TAB3: variants seen among roughly 807,000 people sequenced by gnomAD.
The protein encoded by TAB3 is TGF-beta activated kinase 1 (MAP3K7) binding protein 3.
Under a neutral mutation model 48.1 loss-of-function variants are expected in TAB3, and 18 were observed. The observed-to-expected ratio is 0.37, with a 90% CI of 0.26 to 0.55. The LOEUF is 0.55. Among genes scored for constraint, TAB3 ranks in the 20% least tolerant of loss-of-function variants. TAB3 has a pLI of 0.78. For synonymous variants in TAB3, 185 were observed against 190.2 expected (o/e 0.97, Z 0.22); for missense variants, 414 against 549.8 (o/e 0.75, Z 2.47).
chrX:30,831,636 A>G, intron 10 of TAB3, 61 bp from the exon 11 acceptor site: 1 of 1,112,900 alleles, frequency 9.0e-7, no homozygotes, highest in Non-Finnish European at 1.2e-6. Flanking sequence ...TTTTCCAAGT[A>G]TAATCCAAAC....
intron 7 of TAB3, among the ~76,000 whole-genome samples, chrX:30,850,735 GAAAA>G (rs1483835914): frequency 9.7e-6 from 1 of 103,220 alleles, no homozygotes; most frequent in Non-Finnish European, 2.0e-5. Flanking sequence ...AAGAAAGAAA[GAAAA>G]AAGATACATC....
chrX:30,832,995 G>A (rs1938070501), intron 10 of TAB3, among the ~76,000 whole-genome samples: 1 of 104,940 alleles, frequency 9.5e-6, no homozygotes, highest in Non-Finnish European at 1.9e-5. Context: ...TTTTGAGACG[G>A]AGTCTTGCTC....
chrX:30,842,327 A>G (rs1938477983), intron 9 of TAB3, among the ~76,000 whole-genome samples: 1 of 111,917 alleles, frequency 8.9e-6, no homozygotes, highest in Non-Finnish European at 1.9e-5. Context: ...CTGAAAAATA[A>G]TCTTAAGTCT....
intron 4 of TAB3, among the ~76,000 whole-genome samples, chrX:30,863,652 T>C (rs987119123): frequency 6.2e-5 from 7 of 112,331 alleles, no homozygotes; most frequent in Admixed American, 9.4e-5. Flanking sequence ...TCTGCCATGA[T>C]TGTAAGCTTC....
rs1937980756 is a variant in TAB3 at position 30,830,065 on chromosome X, A to AGC, written c.*1360_*1361dup. The AGC allele has an allele frequency of 9.0e-6, 1 of 111,606 alleles. No homozygotes were observed. The highest frequency in any genetic ancestry group is 3.3e-5 in the African/African-American group (1 of 30,690). The allele number at this position is 111,606 out of a possible 1,213,427, so 9.2% of individuals were successfully genotyped here. ...TAATGAAATGTGCTATTAAGTTTCC[A>AGC]GCGATGCACCCTAGTGAGTCACATG... On this transcript the variant is annotated 3_prime_UTR_variant, in exon 11 of 11. Coordinates refer to ENST00000288422, the MANE Select transcript of TAB3 (RefSeq NM_152787.5).
chrX:30,846,038 G>A (rs1165352623), intron 8 of TAB3: 2 of 1,015,610 alleles, frequency 2.0e-6, no homozygotes, highest in South Asian at 1.9e-5. Context: ...TTGGGTAAAT[G>A]AAAGTTTAAG....
Position 30,855,467 on chromosome X carries a change from C to T in TAB3, c.198G>A (p.Met66Ile). ...TAATATGTAAAAGGCGATTTCTATT[C>T]ATCCTATTGTCATCTGGACTATGGT... ...MEYHSPDDNRMNRNRLLHINL... is the reference protein window; with the variant it reads ...MEYHSPDDNRINRNRLLHINL... The change falls in exon 6 of 11, where the codon ATG becomes ATA. Residue 66 changes from methionine to isoleucine, a missense_variant. Coordinates refer to ENST00000288422, the MANE Select transcript of TAB3 (RefSeq NM_152787.5). 3.3e-6 allele frequency: 4 copies of T among 1,211,276 alleles called. No individual in the cohort carries two copies. Among genetic ancestry groups the T allele is most frequent in the Non-Finnish European group, 4.5e-6 (4 of 895,150 alleles).
Position 30,835,635 on chromosome X carries a change from T to C in TAB3, c.1889-1483A>G, listed in dbSNP as rs144632945. 6.4e-3 allele frequency: 715 copies of C among 111,739 alleles called. 30 individuals carry two copies. In the East Asian group the frequency reaches 0.16, roughly 25 times the overall value. The allele number at this position is 111,739 out of a possible 1,213,427, so 9.2% of individuals were successfully genotyped here. ...ACACATACACACTGTATTGTTTAACTACAAAGTCCAATCTACCACTGTTAT... is the reference window on the plus strand; with the variant it reads ...ACACATACACACTGTATTGTTTAACCACAAAGTCCAATCTACCACTGTTAT... On this transcript the variant is annotated intron_variant, in intron 9 of 10. Coordinates refer to ENST00000288422, the MANE Select transcript of TAB3 (RefSeq NM_152787.5).
chrX:30,834,121 T>C lies in TAB3; in HGVS notation c.1920A>G (p.Lys640=), dbSNP rs1458542217. The C allele has an allele frequency of 8.3e-7, 1 of 1,209,531 alleles. No homozygotes were observed. The highest frequency in any genetic ancestry group is 1.8e-5 in the African/African-American group (1 of 57,104). ...TGGAGGTCACGCTAATTCTTCGGGC[T>C]TTTCTCTCAATTGTGCAGGGGTCTG... ...DSSDPCTIER[K]ARRISVTSKV... Residue 640 remains lysine, a synonymous_variant, in exon 10 of 11, where the codon AAA becomes AAG. Coordinates refer to ENST00000288422, the MANE Select transcript of TAB3 (RefSeq NM_152787.5).
chrX:30,845,573 C>T (rs1054037995), intron 8 of TAB3: 6 of 113,568 alleles, frequency 5.3e-5, no homozygotes, highest in Non-Finnish European at 1.1e-4. Flanking sequence ...ATGGCTATCG[C>T]TCCACTAAAA....
intron 7 of TAB3, among the ~76,000 whole-genome samples, chrX:30,849,240 T>C (rs2073388594): frequency 8.9e-6 from 1 of 112,382 alleles, no homozygotes; most frequent in Non-Finnish European, 1.9e-5. Flanking sequence ...TTTAATATAA[T>C]GCTTTGCAAA....
At chrX:30,857,689 A>T (rs929833327) in intron 5 of TAB3, among the ~76,000 whole-genome samples, 6 of 111,884 alleles carry the variant, frequency 5.4e-5, no homozygotes, top group African/African-American at 9.7e-5. Flanking sequence ...AGAAAAATTT[A>T]AAAAACCACA....
intron 1 of TAB3, among the ~76,000 whole-genome samples, chrX:30,874,355 G>C (rs1259977520): frequency 8.9e-6 from 1 of 112,172 alleles, no homozygotes; most frequent in African/African-American, 3.2e-5. Context: ...TGTTGTTTTA[G>C]AGATGTTAAA....
rs1939508722 is a variant in TAB3 at position 30,868,390 on chromosome X, TATA to T, written c.-279-844_-279-842del. ...ATATAGCTTATATATATATAGCTTA[TATA>T]TATATATATAGCTTATATATATATA... On this transcript the variant is annotated intron_variant, in intron 2 of 10. Transcript: ENST00000288422. 3.4e-4 allele frequency among the ~76,000 whole-genome samples: 5 copies of T among 14,534 alleles called. 1 individual carries two copies. Among genetic ancestry groups the T allele is most frequent in the African/African-American group, 1.4e-3 (3 of 2,172 alleles). 12.6% of individuals were successfully genotyped at this position (14,534 alleles called of 115,157 possible).
At chrX:30,877,873 C>A (rs1475814278) in intron 1 of TAB3, among the ~76,000 whole-genome samples, 4 of 111,104 alleles carry the variant, frequency 3.6e-5, no homozygotes, top group African/African-American at 6.6e-5. Flanking sequence ...TTTCAAGAGC[C>A]CCATCTAAAA....
At position 30,859,510 on chromosome X, in the gene TAB3, C is replaced by T. The variant is rs753660946; in HGVS notation, c.79G>A (p.Val27Met). Residue 27 changes from valine (V) to methionine (M), a missense_variant, in exon 5 of 11, where the codon GTG becomes ATG. Transcript: ENST00000288422. The stretch of plus-strand genomic sequence containing the variant: ...ACCTGTAACATGCACTGAGACACCA[C>T]GCCCTCTGGAATTTCAGGGAAACGT... ...RQRFPEIPEGVVSQCMLQNNN... is the reference protein window; with the variant it reads ...RQRFPEIPEGMVSQCMLQNNN... 1.5e-5 allele frequency: 18 copies of T among 1,209,351 alleles called. No individual in the cohort carries two copies. Among genetic ancestry groups the T allele is most frequent in the Admixed American group, 2.2e-5 (1 of 45,864 alleles).
intron 9 of TAB3, 119 bp from the exon 10 acceptor site, chrX:30,834,271 A>C: frequency 1.8e-6 from 1 of 557,400 alleles, no homozygotes; most frequent in South Asian, 3.0e-5. Flanking sequence ...CCTACCTATT[A>C]CTTCATGTTA....
intron 7 of TAB3, among the ~76,000 whole-genome samples, chrX:30,849,200 C>T (rs1249344395): frequency 1.8e-5 from 2 of 112,348 alleles, no homozygotes; most frequent in African/African-American, 6.5e-5. Flanking sequence ...ATTTCACATA[C>T]AGATCTAAGA....
intron 7 of TAB3, among the ~76,000 whole-genome samples, chrX:30,849,988 AC>A (rs900602615): frequency 1.8e-5 from 2 of 112,329 alleles, no homozygotes; most frequent in Non-Finnish European, 3.8e-5. Flanking sequence ...CACATATATT[AC>A]CTCATATAAT....
Sources: allele counts gnomAD v4.1 joint callset (sites outside exome capture counted in the v4.1 genomes callset), GRCh38; gene constraint gnomAD v4.1.1; transcripts MANE v1.5; gene names NCBI Gene and HGNC (gene_info 2026-07-23, HGNC 2026-07-21).